MGST2: variants seen among roughly 807,000 people sequenced by gnomAD.
The protein encoded by MGST2 is microsomal glutathione S-transferase 2.
A neutral mutation model predicts 16.6 loss-of-function variants in MGST2; 9 were observed. The ratio of observed to expected loss-of-function variants is 0.54; its 90% confidence interval spans 0.33 to 0.95. The LOEUF is 0.95. MGST2 is among the 40% of genes least tolerant of loss of function. MGST2 has a pLI of 0.03. For synonymous variants in MGST2, 79 were observed against 68.0 expected (o/e 1.16, Z -0.79); for missense variants, 159 against 175.1 (o/e 0.91, Z 0.52).
chr4:139,666,219 C>T, intron 1 of MGST2, 142 bp downstream of exon 1: 2 of 847,766 alleles, frequency 2.4e-6, no homozygotes, highest in Non-Finnish European at 3.9e-6. Context: ...GCTCTGGGTC[C>T]TCAGAGCACA....
downstream of MGST2, among the ~76,000 whole-genome samples, chr4:139,705,898 A>G (rs1478183898): frequency 1.3e-5 from 2 of 152,168 alleles, no homozygotes; most frequent in Admixed American, 6.5e-5. Context: ...CATTTTCTTC[A>G]TCTGTAAAAT....
chr4:139,721,075 C>T (rs1728213580), intron 5 of MGST2, among the ~76,000 whole-genome samples: 2 of 152,196 alleles, frequency 1.3e-5, no homozygotes, highest in Admixed American at 1.3e-4. Flanking sequence ...AATCATCCTG[C>T]TACGTGCGAC....
At chr4:139,700,581 C>T (rs1015567805) in intron 3 of MGST2, among the ~76,000 whole-genome samples, 3 of 152,196 alleles carry the variant, frequency 2.0e-5, no homozygotes, top group Admixed American at 6.5e-5. Context: ...ATTTTTCCAA[C>T]TTGACATTCA....
intron 2 of MGST2, among the ~76,000 whole-genome samples, chr4:139,681,449 A>G (rs1014407778): frequency 6.6e-6 from 1 of 152,004 alleles, no homozygotes; most frequent in Non-Finnish European, 1.5e-5. Context: ...TTTTATCTTC[A>G]GGTTTTCATA....
rs149133249 is a variant in MGST2, at chr4:139,684,431, A to G, written c.158+5789A>G. On this transcript the variant is annotated intron_variant, in intron 2 of 4. Transcript: ENST00000265498. The stretch of plus-strand genomic sequence containing the variant: ...GCCCTGATGGCATCAGGAGGTCAAG[A>G]TGATGACAAGGGTCCTGCAGAGAGA... Among the ~76,000 whole-genome samples, 8 of 152,344 alleles carry G rather than the reference A, an allele frequency of 5.3e-5. No individual in the cohort carries two copies. The East Asian group carries it at 1.4e-3, about 26-fold the overall frequency.
At chr4:139,697,243 C>T (rs1018024590) in intron 3 of MGST2, among the ~76,000 whole-genome samples, 8 of 152,164 alleles carry the variant, frequency 5.3e-5, no homozygotes, top group Non-Finnish European at 1.2e-4. Flanking sequence ...GTTAGCCTAT[C>T]CCTTCCTGCC....
chr4:139,736,985 G>T (rs1280111896), intron 5 of MGST2, among the ~76,000 whole-genome samples: 1 of 152,168 alleles, frequency 6.6e-6, no homozygotes, highest in Non-Finnish European at 1.5e-5. Context: ...GCAAACCCAA[G>T]AATTCTGAAA....
chr4:139,707,201 C>G (rs976382614), downstream of MGST2, among the ~76,000 whole-genome samples: 7 of 152,088 alleles, frequency 4.6e-5, no homozygotes, highest in Admixed American at 3.9e-4. Flanking sequence ...TACCTCCCCC[C>G]TCTCCCCACC....
intron 2 of MGST2, among the ~76,000 whole-genome samples, chr4:139,687,487 G>A (rs894310194): frequency 1.3e-5 from 2 of 152,154 alleles, no homozygotes; most frequent in Non-Finnish European, 2.9e-5. Context: ...TTTCCCTGGA[G>A]GAGGAATGCA....
In MGST2 at chr4:139,704,091, C is replaced by T; in HGVS notation, c.387C>T (p.Ser129=). The part of the protein sequence containing the change: ...TLLGALGIAN[S]FLDEYLDLNI... ...TAGGTGCCCTGGGAATTGCAAACAG[C>T]TTTCTGGATGAATATCTGGACCTCA... Residue 129 remains serine (S), a synonymous_variant, in exon 5 of 5, where the codon AGC becomes AGT. Transcript: ENST00000265498. The T allele has an allele frequency of 6.2e-7, 1 of 1,614,120 alleles. No homozygotes were observed. The highest frequency in any genetic ancestry group is 8.5e-7 in the Non-Finnish European group (1 of 1,180,036).
intron 2 of MGST2, among the ~76,000 whole-genome samples, chr4:139,690,777 A>G (rs1007656632): frequency 2.6e-5 from 4 of 152,192 alleles, no homozygotes; most frequent in East Asian, 3.9e-4. Context: ...TAAACTTTGT[A>G]GTATACTTAT....
intron 1 of MGST2, among the ~76,000 whole-genome samples, chr4:139,673,443 G>C (rs1332965785): frequency 6.6e-6 from 1 of 152,092 alleles, no homozygotes; most frequent in Non-Finnish European, 1.5e-5. Flanking sequence ...ACAGGGTCTT[G>C]CTCTGTCACC....
intron 5 of MGST2, chr4:139,716,992 G>A (rs1411746366): frequency 1.3e-5 from 2 of 152,570 alleles, no homozygotes; most frequent in African/African-American, 2.4e-5. Context: ...CTGCTGTGAT[G>A]ATGAGTTAAG....
At chr4:139,667,460 C>T (rs1031177383) in intron 1 of MGST2, among the ~76,000 whole-genome samples, 1 of 98,510 alleles carries the variant, frequency 1.0e-5, no homozygotes, top group Non-Finnish European at 1.9e-5. Flanking sequence ...GCTGTGTGAA[C>T]TGGGGCCAGA....
chr4:139,745,369 G>A (rs1300422495), downstream of MGST2, among the ~76,000 whole-genome samples: 6 of 152,194 alleles, frequency 3.9e-5, no homozygotes, highest in Non-Finnish European at 8.8e-5. Flanking sequence ...TGTCAGGTAA[G>A]CTAGTGTCAG....
At chr4:139,672,931 G>A (rs1730774141) in intron 1 of MGST2, among the ~76,000 whole-genome samples, 1 of 152,120 alleles carries the variant, frequency 6.6e-6, no homozygotes, top group South Asian at 2.1e-4. Flanking sequence ...AAGGGGATTA[G>A]TGGAAGGGAA....
At chr4:139,674,991 C>T (rs1403494531) in intron 1 of MGST2, among the ~76,000 whole-genome samples, 1 of 152,128 alleles carries the variant, frequency 6.6e-6, no homozygotes, top group Non-Finnish European at 1.5e-5. Flanking sequence ...GGTCAGAATT[C>T]AGTCCTCAGT....
At chr4:139,686,299 G>T (rs990402149) in intron 2 of MGST2, among the ~76,000 whole-genome samples, 4 of 150,706 alleles carry the variant, frequency 2.7e-5, no homozygotes, top group Non-Finnish European at 1.5e-5. Context: ...GGAGACCAAA[G>T]TTCTTGTTTG....
chr4:139,748,423 G>T, the MGST2 span, among the ~76,000 whole-genome samples: 2 of 152,200 alleles, frequency 1.3e-5, no homozygotes, highest in Admixed American at 1.3e-4. Flanking sequence ...GTGGAGCTCA[G>T]ATTGAGAACC....
Sources: allele counts gnomAD v4.1 joint callset (sites outside exome capture counted in the v4.1 genomes callset), GRCh38; gene constraint gnomAD v4.1.1; transcripts MANE v1.5; gene names NCBI Gene and HGNC (gene_info 2026-07-23, HGNC 2026-07-21).